The following JAK2 variants were observed in gnomAD, a reference collection of about 807,000 sequenced individuals.
The protein encoded by JAK2 is tyrosine-protein kinase JAK2.
Under a neutral mutation model 139.3 loss-of-function variants are expected in JAK2, and 86 were observed. The observed-to-expected ratio is 0.62, with a 90% CI of 0.52 to 0.74. JAK2 has a LOEUF of 0.74. Among genes scored for constraint, JAK2 ranks in the 30% least tolerant of loss-of-function variants. The probability of loss-of-function intolerance (pLI) is 0.00; values close to 1 mark genes in which losing one functional copy is unlikely to be tolerated. For synonymous variants in JAK2, 490 were observed against 437.7 expected (o/e 1.12, Z -1.49); for missense variants, 1,421 against 1,360.3 (o/e 1.04, Z -0.70).
At position 5,082,586 on chromosome 9, in the gene JAK2, C is replaced by T. The variant is rs896327804; in HGVS notation, c.2571+725C>T. Among the ~76,000 whole-genome samples the T allele has an allele frequency of 7.9e-5, 12 of 152,348 alleles. No homozygotes were observed. The South Asian group carries it at 1.9e-3, about 24-fold the overall frequency. On this transcript the variant is annotated intron_variant, in intron 19 of 24. Transcript: ENST00000381652. ...AATCCTCCCCAGCACAGACCCTTCA[C>T]GGATGTTGGGCTGGGGGACGGTCAG...
intron 6 of JAK2, among the ~76,000 whole-genome samples, chr9:5,052,263 G>C (rs1817466764): frequency 6.6e-6 from 1 of 152,068 alleles, no homozygotes; most frequent in Middle Eastern, 3.2e-3. Flanking sequence ...CTTCCAGTTT[G>C]AGAATCATGT....
chr9:5,036,281 T>C (rs200785816), intron 4 of JAK2, among the ~76,000 whole-genome samples: 2 of 152,168 alleles, frequency 1.3e-5, no homozygotes, highest in African/African-American at 2.4e-5. Context: ...GAATCAATAT[T>C]GTGAAAATGG....
At chr9:4,984,779 G>C (rs774864436), upstream of JAK2, 7 of 152,436 alleles carry the variant, frequency 4.6e-5, no homozygotes, top group South Asian at 8.3e-4. Context: ...AGTCACTCCC[G>C]GCCGCTTCCC....
intron 22 of JAK2, among the ~76,000 whole-genome samples, chr9:5,116,859 A>C (rs1257181252): frequency 6.6e-6 from 1 of 152,252 alleles, no homozygotes; most frequent in Non-Finnish European, 1.5e-5. Flanking sequence ...TGGCACTTTC[A>C]ATAATTAAGT....
At chr9:5,112,590 C>T (rs956641486) in intron 22 of JAK2, 1 of 744,408 alleles carries the variant, frequency 1.3e-6, no homozygotes, top group Non-Finnish European at 2.2e-6. Context: ...CTTAAGAGGG[C>T]TCTTAAGGAG....
intron 13 of JAK2, 140 bp downstream of exon 13, chr9:5,072,766 T>C: frequency 2.0e-6 from 1 of 488,024 alleles, no homozygotes; most frequent in East Asian, 3.4e-5. Flanking sequence ...GGATACATTC[T>C]TGTGGGGCTA....
chr9:5,124,167 CATTCTGTTG>C (rs1823823526), intron 23 of JAK2, among the ~76,000 whole-genome samples: 1 of 151,772 alleles, frequency 6.6e-6, no homozygotes, highest in Non-Finnish European at 1.5e-5. Context: ...GTTTTCTGTT[CATTCTGTTG>C]ATTATTGATT....
At chr9:5,055,452 C>A (rs982328024) in intron 7 of JAK2, among the ~76,000 whole-genome samples, 22 of 151,928 alleles carry the variant, frequency 1.4e-4, no homozygotes, top group Non-Finnish European at 3.1e-4. Flanking sequence ...ATTTTAGATT[C>A]CTGGCATCAT....
chr9:5,049,340 C>T (rs1479528518), intron 5 of JAK2, among the ~76,000 whole-genome samples: 1 of 152,158 alleles, frequency 6.6e-6, no homozygotes, highest in Non-Finnish European at 1.5e-5. Context: ...AAGTTTTAAT[C>T]CACATTATTT....
rs1425882931 is a variant in JAK2, at chr9:5,011,203, C to G, written c.-25-10760C>G. On this transcript the variant is annotated intron_variant, in intron 2 of 24. Transcript: ENST00000381652. ...TATTTTTTCAAGTATTTCCTCTGTT[C>G]CACTTATATGTATCAGACTTTGTTA... Among the ~76,000 whole-genome samples the G allele has an allele frequency of 2.0e-5, 3 of 151,750 alleles. No homozygotes were observed. In the East Asian group the frequency reaches 5.8e-4, roughly 29 times the overall value.
chr9:5,070,247 A>T (rs1818866153), intron 12 of JAK2, among the ~76,000 whole-genome samples, 195 bp downstream of exon 12: 1 of 152,172 alleles, frequency 6.6e-6, no homozygotes, highest in Non-Finnish European at 1.5e-5. Flanking sequence ...TTATCCTAAG[A>T]ATGGAATCTT....
intron 5 of JAK2, among the ~76,000 whole-genome samples, chr9:5,044,923 A>G (rs933875389): frequency 6.6e-6 from 1 of 152,212 alleles, no homozygotes; most frequent in African/African-American, 2.4e-5. Flanking sequence ...TGAACTGTAG[A>G]GAAAGTAGGT....
chr9:5,087,840 GAAT>G (rs1242228212), intron 19 of JAK2, among the ~76,000 whole-genome samples: 2 of 152,090 alleles, frequency 1.3e-5, no homozygotes, highest in African/African-American at 4.8e-5. Context: ...TTATTTATAA[GAAT>G]ATTATTGCAA....
At chr9:5,073,609 G>C in intron 13 of JAK2, 89 bp from the exon 14 acceptor site, 1 of 949,478 alleles carries the variant, frequency 1.1e-6, no homozygotes, top group Non-Finnish European at 1.7e-6. Context: ...GTAGGAGAAA[G>C]TGCATCTTTA....
intron 22 of JAK2, among the ~76,000 whole-genome samples, chr9:5,119,390 T>C (rs1375550851): frequency 6.6e-6 from 1 of 152,042 alleles, no homozygotes; most frequent in East Asian, 1.9e-4. Flanking sequence ...ATTATGCACT[T>C]TCATGTATAA....
At chr9:5,049,256 G>T (rs534484493) in intron 5 of JAK2, among the ~76,000 whole-genome samples, 6 of 152,146 alleles carry the variant, frequency 3.9e-5, no homozygotes, top group African/African-American at 7.2e-5. Context: ...GAGACATGAT[G>T]AAAACAGATC....
intron 20 of JAK2, among the ~76,000 whole-genome samples, chr9:5,090,193 C>G (rs1261630270): frequency 2.0e-5 from 3 of 152,154 alleles, no homozygotes; most frequent in Non-Finnish European, 2.9e-5. Flanking sequence ...GAAGTTTTCT[C>G]ATCAGTTTAT....
In JAK2 at chr9:5,128,939, A is replaced by G. The variant is rs369219982; in HGVS notation, c.*2148A>G. 1.3e-5 allele frequency among the ~76,000 whole-genome samples: 2 copies of G among 152,018 alleles called. No individual in the cohort carries two copies. The highest frequency in any genetic ancestry group is 2.4e-5 in the African/African-American group (1 of 41,446). ...TGTAACTATTCCAGTATATTAAGTT[A>G]TACAATCTTTATATAAATGACTTTT... On this transcript the variant is annotated 3_prime_UTR_variant, in exon 25 of 25. Coordinates refer to ENST00000381652, the MANE Select transcript of JAK2 (RefSeq NM_004972.4).
intron 22 of JAK2, among the ~76,000 whole-genome samples, chr9:5,103,699 G>A (rs1368724560): frequency 6.6e-6 from 1 of 152,080 alleles, no homozygotes; most frequent in Admixed American, 6.6e-5. Context: ...TAAAAGAACA[G>A]ATATCACAAC....
Sources: allele counts gnomAD v4.1 joint callset (sites outside exome capture counted in the v4.1 genomes callset), GRCh38; gene constraint gnomAD v4.1.1; transcripts MANE v1.5; gene names NCBI Gene and HGNC (gene_info 2026-07-23, HGNC 2026-07-21).